Variants in RALGPS1 observed in about 807,000 individuals in gnomAD.
The protein encoded by RALGPS1 is ras-specific guanine nucleotide-releasing factor RalGPS1.
A neutral mutation model predicts 78.8 loss-of-function variants in RALGPS1; 19 were observed. The ratio of observed to expected loss-of-function variants is 0.24; its 90% CI spans 0.17 to 0.35. The LOEUF (loss-of-function observed/expected upper bound fraction) is 0.35, where lower values mean the gene tolerates loss of function less well. Ranked by LOEUF, RALGPS1 falls within the 10% of genes least tolerant of loss-of-function variation. The pLI, the probability that RALGPS1 is intolerant of heterozygous loss-of-function variation, is 1.00. For synonymous variants in RALGPS1, 228 were observed against 256.3 expected, an observed-to-expected ratio of 0.89 and a Z score of 1.06; for missense variants, 454 against 688.3, an observed-to-expected ratio of 0.66 and a Z score of 3.81.
chr9:127,140,719 T>G (rs2057713148), intron 8 of RALGPS1, among the ~76,000 whole-genome samples: 1 of 151,984 alleles, frequency 6.6e-6, no homozygotes, highest in African/African-American at 2.4e-5. Context: ...CCCTTTTAAT[T>G]GAAAAAAAAA....
intron 8 of RALGPS1, among the ~76,000 whole-genome samples, chr9:127,143,291 G>C (rs556782946): frequency 6.6e-5 from 10 of 152,290 alleles, no homozygotes; most frequent in African/African-American, 2.4e-4. Flanking sequence ...TTTCCCAAAG[G>C]GTTGAACCAG....
intron 1 of RALGPS1, among the ~76,000 whole-genome samples, chr9:126,954,975 A>T (rs549207494): frequency 1.6e-4 from 24 of 152,292 alleles, no homozygotes; most frequent in African/African-American, 5.8e-4. Context: ...TAAACCTGCT[A>T]GGCTCATGTG....
At chr9:126,920,776 G>A (rs2034675299) in intron 1 of RALGPS1, among the ~76,000 whole-genome samples, 2 of 152,182 alleles carry the variant, frequency 1.3e-5, no homozygotes, top group African/African-American at 4.8e-5. Context: ...CCTGCCCTTT[G>A]GGATCTCACA....
chr9:127,184,772 C>T (rs1588424837), intron 11 of RALGPS1, among the ~76,000 whole-genome samples: 1 of 152,350 alleles, frequency 6.6e-6, no homozygotes, highest in African/African-American at 2.4e-5. Context: ...CCCAGCTCAG[C>T]GTGGGGCAGA....
In RALGPS1 at chr9:127,214,732, T is replaced by C. The variant is rs2062478134; in HGVS notation, c.1553-19T>C. The C allele has an allele frequency of 1.3e-6, 2 of 1,597,076 alleles. No homozygotes were observed. The highest frequency in any genetic ancestry group is 2.3e-5 in the South Asian group (2 of 87,802). On this transcript the variant is annotated intron_variant, in intron 17 of 18. Transcript: ENST00000259351. The stretch of plus-strand genomic sequence containing the variant: ...CCTACGTGGCCCTCTTCTTAACTCA[T>C]GGTTTCTCTACCCATCAGGCAATGT...
chr9:127,133,176 C>A (rs574111502), intron 8 of RALGPS1, among the ~76,000 whole-genome samples: 1 of 152,342 alleles, frequency 6.6e-6, no homozygotes, highest in East Asian at 1.9e-4. Context: ...GTGGAGAGAG[C>A]GGCGTGGCCC....
intron 11 of RALGPS1, among the ~76,000 whole-genome samples, chr9:127,193,499 C>A (rs1321029808): frequency 4.6e-5 from 7 of 152,154 alleles, no homozygotes; most frequent in African/African-American, 1.7e-4. Flanking sequence ...GGGAAGTGAG[C>A]ACTCAGCCAG....
chr9:127,198,854 A>G (rs1377967599), intron 13 of RALGPS1, among the ~76,000 whole-genome samples, 161 bp from the exon 14 acceptor site: 1 of 152,206 alleles, frequency 6.6e-6, no homozygotes, highest in Non-Finnish European at 1.5e-5. Flanking sequence ...GAGCAGAGTT[A>G]GAACTCACAG....
At chr9:127,014,196 T>C (rs374587640) in intron 4 of RALGPS1, among the ~76,000 whole-genome samples, 1 of 152,076 alleles carries the variant, frequency 6.6e-6, no homozygotes, top group Non-Finnish European at 1.5e-5. Flanking sequence ...AAAAAAGGGG[T>C]TTCACACCAT....
intron 6 of RALGPS1, among the ~76,000 whole-genome samples, chr9:127,052,223 C>T (rs1229261640): frequency 6.6e-6 from 1 of 152,228 alleles, no homozygotes; most frequent in African/African-American, 2.4e-5. Flanking sequence ...GTCCTGTTAG[C>T]AGGTTTCTCT....
intron 1 of RALGPS1, among the ~76,000 whole-genome samples, chr9:126,951,433 A>G (rs1472756046): frequency 1.3e-5 from 2 of 151,664 alleles, no homozygotes; most frequent in Non-Finnish European, 2.9e-5. Context: ...AATACTGGCA[A>G]ACCGAATCCA....
At chr9:127,062,738 A>C (rs2049333105) in intron 7 of RALGPS1, among the ~76,000 whole-genome samples, 1 of 152,222 alleles carries the variant, frequency 6.6e-6, no homozygotes, top group African/African-American at 2.4e-5. Flanking sequence ...TCAAAGACAA[A>C]CATGGACAGC....
chr9:126,955,399 T>C (rs146687737), intron 1 of RALGPS1, among the ~76,000 whole-genome samples: 1 of 152,282 alleles, frequency 6.6e-6, no homozygotes, highest in East Asian at 1.9e-4. Flanking sequence ...ACCACAGTAA[T>C]ATTAACAGTA....
chr9:126,941,851 G>A (rs1024050860), intron 1 of RALGPS1, among the ~76,000 whole-genome samples: 5 of 152,134 alleles, frequency 3.3e-5, no homozygotes, highest in African/African-American at 1.2e-4. Context: ...GTTTTCAAGT[G>A]TTTTCCTGGC....
At chr9:126,967,696 C>T (rs1479238005) in intron 3 of RALGPS1, among the ~76,000 whole-genome samples, 1 of 152,018 alleles carries the variant, frequency 6.6e-6, no homozygotes, top group Non-Finnish European at 1.5e-5. Context: ...ACCACCATGC[C>T]CTGCTAATTT....
chr9:127,112,264 G>T (rs938126319), intron 8 of RALGPS1, among the ~76,000 whole-genome samples: 6 of 152,204 alleles, frequency 3.9e-5, no homozygotes, highest in East Asian at 1.9e-4. Flanking sequence ...GGAAGTGTTT[G>T]CCTCGTTTCC....
intron 14 of RALGPS1, among the ~76,000 whole-genome samples, chr9:127,199,741 G>A (rs2061529444): frequency 6.6e-6 from 1 of 152,188 alleles, no homozygotes; most frequent in Admixed American, 6.5e-5. Flanking sequence ...AGGAAGGCAG[G>A]CAATGCTGTG....
rs2062233821 is a variant in RALGPS1 at position 127,211,214 on chromosome 9, G to A, written c.1248-917G>A. ...TGCATCATCCAGCAGGGGTGAGAAT[G>A]GTGGCTCAGATCTTAAAAGCGACAG... On this transcript the variant is annotated intron_variant, in intron 14 of 18. Coordinates refer to ENST00000259351, the MANE Select transcript of RALGPS1 (RefSeq NM_014636.3). The surrounding 1 kb of genome is among the most constrained non-coding windows in gnomAD (Gnocchi z 5.0). Among the ~76,000 whole-genome samples the A allele has an allele frequency of 6.6e-6, 1 of 152,182 alleles. No individual in the cohort carries two copies. Among genetic ancestry groups the A allele is most frequent in the Non-Finnish European group, 1.5e-5 (1 of 68,034 alleles).
intron 8 of RALGPS1, among the ~76,000 whole-genome samples, chr9:127,101,354 T>C (rs1385238355): frequency 6.6e-6 from 1 of 152,210 alleles, no homozygotes; most frequent in Admixed American, 6.5e-5. Flanking sequence ...GCTGCAGTTA[T>C]CACACCACAT....
Sources: gnomAD v4.1 joint callset for allele counts (sites outside exome capture counted in the v4.1 genomes callset) on GRCh38, gnomAD v4.1.1 for gene constraint, Gnocchi (gnomAD v3.1) non-coding constraint, MANE v1.5 for transcripts, NCBI Gene and HGNC (gene_info 2026-07-23, HGNC 2026-07-21) for gene names.